The following FLRT2 variants were observed in gnomAD, a reference collection of about 807,000 sequenced individuals.
FLRT2 encodes the protein fibronectin leucine rich transmembrane protein 2.
Under a neutral mutation model 40.0 loss-of-function variants are expected in FLRT2, and 15 were observed. The observed-to-expected ratio is 0.38, with a 90% CI of 0.25 to 0.58. FLRT2 has a LOEUF of 0.58. FLRT2 is among the 20% of genes least tolerant of loss of function. The pLI is 0.71. For missense variants in FLRT2, 726 were observed against 840.0 expected (o/e 0.86, Z 1.68); for synonymous variants, 380 against 336.8 (o/e 1.13, Z -1.41).
chr14:85,587,302 A>G (rs1891665201), intron 1 of FLRT2, among the ~76,000 whole-genome samples: 1 of 142,034 alleles, frequency 7.0e-6, no homozygotes, highest in South Asian at 2.4e-4. Flanking sequence ...AAAAAAAAAA[A>G]AAAGAAGAAA....
chr14:85,621,442 T>G lies in FLRT2; in HGVS notation c.-73T>G. 1.4e-6 allele frequency: 2 copies of G among 1,409,484 alleles called. No individual in the cohort carries two copies. The highest frequency in any genetic ancestry group is 1.9e-6 in the Non-Finnish European group (2 of 1,044,716). 87.3% of individuals were successfully genotyped at this position (1,409,484 alleles called of 1,614,324 possible). On this transcript the variant is annotated 5_prime_UTR_variant, in exon 2 of 2. Transcript: ENST00000330753. ...TTCAACAGAACCCCATCCAGTCATTTTGATTTTGCTGTTTATTTTTTTTTT... is the reference window on the plus strand; with the variant it reads ...TTCAACAGAACCCCATCCAGTCATTGTGATTTTGCTGTTTATTTTTTTTTT...
intron 1 of FLRT2, among the ~76,000 whole-genome samples, chr14:85,609,232 C>T (rs908742345): frequency 5.3e-5 from 8 of 152,120 alleles, no homozygotes; most frequent in Non-Finnish European, 8.8e-5. Flanking sequence ...ATTCTGGAAT[C>T]TGGGCACCCA....
At chr14:85,564,963 T>C (rs960438224) in intron 1 of FLRT2, among the ~76,000 whole-genome samples, 2 of 152,202 alleles carry the variant, frequency 1.3e-5, no homozygotes, top group Non-Finnish European at 2.9e-5. Context: ...ACCATTTCTA[T>C]GATAGCAAGA....
chr14:85,531,380 G>A (rs1309886658), intron 1 of FLRT2, among the ~76,000 whole-genome samples: 8 of 152,340 alleles, frequency 5.3e-5, no homozygotes, highest in Non-Finnish European at 1.0e-4. Flanking sequence ...GGGCCTCCTG[G>A]AAAGATCCCT....
chr14:85,602,161 C>T (rs911320392), intron 1 of FLRT2, among the ~76,000 whole-genome samples: 4 of 152,144 alleles, frequency 2.6e-5, no homozygotes, highest in Admixed American at 6.5e-5. Flanking sequence ...TACATATGCA[C>T]TCTTATACAT....
At position 85,640,786 on chromosome 14, in the gene FLRT2, C is replaced by G. The variant is rs563685596; in HGVS notation, c.*17289C>G. 1.9e-5 allele frequency: 2 copies of G among 105,532 alleles called. No individual in the cohort carries two copies. The highest frequency in any genetic ancestry group is 7.6e-5 in the African/African-American group (2 of 26,148). 6.5% of individuals were successfully genotyped at this position (105,532 alleles called of 1,614,324 possible). The stretch of plus-strand genomic sequence containing the variant: ...AGTGTGGCAAACACATCATTAGAAA[C>G]TGCCTCCTATTCACTCTCTTAATAG... On this transcript the variant is annotated 3_prime_UTR_variant, in exon 2 of 2. Coordinates refer to ENST00000330753, the MANE Select transcript of FLRT2 (RefSeq NM_013231.6).
intron 1 of FLRT2, among the ~76,000 whole-genome samples, chr14:85,606,756 C>G (rs2753617): frequency 0.19 from 28,083 of 150,422 alleles, 3,280 homozygotes; most frequent in East Asian, 0.6. Flanking sequence ...ATCTCCTGAC[C>G]TCGTCATCTG....
chr14:85,635,555 T>C lies in FLRT2; in HGVS notation c.*12058T>C, dbSNP rs1180691633. ...TATTTTATGTTTTCAAGCCATTATA[T>C]AACAGCTATTAAACCCTAATATTTG... On this transcript the variant is annotated 3_prime_UTR_variant, in exon 2 of 2. Transcript: ENST00000330753. 5 of 152,224 alleles carry C rather than the reference T, an allele frequency of 3.3e-5. 1 individual carries two copies. The highest frequency in any genetic ancestry group is 7.2e-5 in the African/African-American group (3 of 41,568). The allele number at this position is 152,224 out of a possible 1,614,324, so 9.4% of individuals were successfully genotyped here.
At chr14:85,558,047 T>G (rs930377273) in intron 1 of FLRT2, among the ~76,000 whole-genome samples, 1 of 152,116 alleles carries the variant, frequency 6.6e-6, no homozygotes, top group Admixed American at 6.6e-5. Flanking sequence ...AAAGCATCTG[T>G]AGACTTCCGC....
intron 1 of FLRT2, among the ~76,000 whole-genome samples, chr14:85,588,345 T>C (rs546801174): frequency 1.3e-5 from 2 of 152,316 alleles, no homozygotes; most frequent in African/African-American, 4.8e-5. Flanking sequence ...TCTCTCGTGG[T>C]ACCCTCATCT....
At chr14:85,566,009 G>A (rs1339793779) in intron 1 of FLRT2, among the ~76,000 whole-genome samples, 4 of 152,060 alleles carry the variant, frequency 2.6e-5, no homozygotes, top group Admixed American at 2.0e-4. Flanking sequence ...CTCCCACCCC[G>A]ATGTTCCCAC....
At chr14:85,619,979 CT>C (rs1174455912) in intron 1 of FLRT2, among the ~76,000 whole-genome samples, 2 of 152,176 alleles carry the variant, frequency 1.3e-5, no homozygotes, top group African/African-American at 4.8e-5. Context: ...TAATTTACCC[CT>C]AGTCGTGAGC....
intron 1 of FLRT2, among the ~76,000 whole-genome samples, chr14:85,592,801 A>G (rs900698616): frequency 3.8e-5 from 3 of 79,332 alleles, no homozygotes; most frequent in Non-Finnish European, 7.8e-5. Flanking sequence ...AAAAAAAAAA[A>G]AAAAAAGAAA....
intron 1 of FLRT2, among the ~76,000 whole-genome samples, chr14:85,566,946 G>A (rs761979439): frequency 3.9e-4 from 59 of 152,130 alleles, no homozygotes; most frequent in Non-Finnish European, 7.9e-4. Context: ...TAATATTTCT[G>A]TTGTGCCTAA....
In FLRT2 at chr14:85,577,999, G is replaced by A. The variant is rs376385806; in HGVS notation, c.-376-43140G>A. Among the ~76,000 whole-genome samples, 17 of 151,580 alleles carry A rather than the reference G, an allele frequency of 1.1e-4. No individual in the cohort carries two copies. In the East Asian group the frequency reaches 3.1e-3, roughly 28 times the overall value. ...CTGTCTCTGGAGATTGTGTCAAACT[G>A]AGTTGAGCAGGAAAGGGCCCAATGT... On this transcript the variant is annotated intron_variant, in intron 1 of 1. Transcript: ENST00000330753.
intron 1 of FLRT2, among the ~76,000 whole-genome samples, chr14:85,571,167 G>GTAAAC (rs2139861352): frequency 6.6e-6 from 1 of 152,232 alleles, no homozygotes; most frequent in East Asian, 1.9e-4. Context: ...AGCCCTGGAT[G>GTAAAC]ATATCTGTGA....
chr14:85,564,865 A>G (rs1374982144), intron 1 of FLRT2, among the ~76,000 whole-genome samples: 1 of 152,216 alleles, frequency 6.6e-6, no homozygotes, highest in Non-Finnish European at 1.5e-5. Context: ...TGAGATAGAT[A>G]AGATTTATCA....
chr14:85,589,434 T>C (rs1891783427), intron 1 of FLRT2, among the ~76,000 whole-genome samples: 1 of 152,220 alleles, frequency 6.6e-6, no homozygotes, highest in Non-Finnish European at 1.5e-5. Flanking sequence ...TCTGTCCAAA[T>C]CTTTTGCCCG....
At chr14:85,610,111 C>T (rs1225089619) in intron 1 of FLRT2, among the ~76,000 whole-genome samples, 2 of 152,128 alleles carry the variant, frequency 1.3e-5, no homozygotes, top group Admixed American at 1.3e-4. Context: ...GCTGTCTTTA[C>T]CCAGCATGGG....
Sources: allele counts gnomAD v4.1 joint callset (sites outside exome capture counted in the v4.1 genomes callset), GRCh38; gene constraint gnomAD v4.1.1; transcripts MANE v1.5; gene names NCBI Gene and HGNC (gene_info 2026-07-23, HGNC 2026-07-21).